Variants in SCRT2 observed in about 807,000 individuals in gnomAD.
SCRT2 encodes the protein transcriptional repressor scratch 2.
A neutral mutation model predicts 3.7 loss-of-function variants in SCRT2; 2 were observed. That is an observed-to-expected ratio of 0.54 (90% CI 0.22 to 1.70). The LOEUF (loss-of-function observed/expected upper bound fraction) is 1.70. SCRT2 is among the 40% of genes most tolerant of loss of function. The pLI is 0.19. For synonymous variants in SCRT2, 256 were observed against 220.6 expected (o/e 1.16, Z -1.42); for missense variants, 456 against 468.5 (o/e 0.97, Z 0.25).
At position 663,358 on chromosome 20, in the gene SCRT2, C is replaced by T. The variant is rs1193906734; in HGVS notation, c.*313G>A. 2 of 330,724 alleles carry T rather than the reference C, an allele frequency of 6.0e-6. No homozygotes were observed. The highest frequency in any genetic ancestry group is 5.0e-5 in the Admixed American group (1 of 20,106). 20.5% of individuals were successfully genotyped at this position (330,724 alleles called of 1,614,324 possible). A position where few individuals can be genotyped will look rare whatever the true frequency, so the allele number is the denominator to read the frequency against. ...GCGGGGTCTGGGAGGGAGAAATTTC[C>T]GGCTCTGGGGCGCGGGAGAGGTGCG... On this transcript the variant is annotated 3_prime_UTR_variant, in exon 2 of 2. Transcript: ENST00000246104. This position sits in a 1 kb window ranked among gnomAD's most constrained non-coding sequence, Gnocchi z 6.9.
Position 663,315 on chromosome 20 carries a change from A to C in SCRT2, c.*356T>G. ...AGCTGAGAAGCGAGAGAAAAGATCTAGAAGTTAGAAGAGCAGCGCGGGGTC... is the reference window on the plus strand; with the variant it reads ...AGCTGAGAAGCGAGAGAAAAGATCTCGAAGTTAGAAGAGCAGCGCGGGGTC... On this transcript the variant is annotated 3_prime_UTR_variant, in exon 2 of 2. Coordinates refer to ENST00000246104, the MANE Select transcript of SCRT2 (RefSeq NM_033129.4). This position sits in a 1 kb window ranked among gnomAD's most constrained non-coding sequence, Gnocchi z 6.9. 1 of 261,438 alleles carries C rather than the reference A, an allele frequency of 3.8e-6. No individual in the cohort carries two copies. The allele number at this position is 261,438 out of a possible 1,614,324, so 16.2% of individuals were successfully genotyped here.
chr20:661,880 A>G lies in SCRT2; in HGVS notation c.*1791T>C, dbSNP rs1157924783. 3 of 152,748 alleles carry G rather than the reference A, an allele frequency of 2.0e-5. No individual in the cohort carries two copies. The highest frequency in any genetic ancestry group is 3.9e-4 in the East Asian group (2 of 5,170). The allele number at this position is 152,748 out of a possible 1,614,324, so 9.5% of individuals were successfully genotyped here. ...TGGGCCTGGAGCTGAGCAAAGGCCC[A>G]TTCACCCCTCTGGAGCCCTAGGGAA... On this transcript the variant is annotated 3_prime_UTR_variant, in exon 2 of 2. Transcript: ENST00000246104.
chr20:672,425 G>A (rs1280666794), intron 1 of SCRT2, among the ~76,000 whole-genome samples: 3 of 151,154 alleles, frequency 2.0e-5, no homozygotes, highest in Non-Finnish European at 3.0e-5. Flanking sequence ...GTGTGTGTGC[G>A]CGCGTGCGTG....
chr20:664,199 C>A lies in SCRT2; in HGVS notation c.396G>T (p.Ser132=). ...RGGGGGDAGG[S]GDAGGAGGRA... is the part of the protein sequence containing the mutation. The stretch of plus-strand genomic sequence containing the variant: ...GCCCCCCGGCGCCCCCCGCGTCTCC[C>A]GAGCCCCCCGCGTCCCCGCCGCCCC... The change falls in exon 2 of 2, where the codon TCG becomes TCT. Residue 132 remains serine, a synonymous_variant. Coordinates refer to ENST00000246104, the MANE Select transcript of SCRT2 (RefSeq NM_033129.4). The surrounding 1 kb of genome is among the most constrained non-coding windows in gnomAD (Gnocchi z 7.9). 1 of 1,136,496 alleles carries A rather than the reference C, an allele frequency of 8.8e-7. No homozygotes were observed. The highest frequency in any genetic ancestry group is 1.1e-6 in the Non-Finnish European group (1 of 927,042). The allele number at this position is 1,136,496 out of a possible 1,614,324, so 70.4% of individuals were successfully genotyped here.
In SCRT2 at chr20:675,683, G is replaced by C; in HGVS notation, c.-82C>G. The C allele has an allele frequency of 7.6e-6, 8 of 1,056,080 alleles. No individual in the cohort carries two copies. The highest frequency in any genetic ancestry group is 9.7e-6 in the Non-Finnish European group (8 of 828,228). 65.4% of individuals were successfully genotyped at this position (1,056,080 alleles called of 1,614,324 possible). On this transcript the variant is annotated 5_prime_UTR_variant, in exon 1 of 2. Transcript: ENST00000246104. This position sits in a 1 kb window ranked among gnomAD's most constrained non-coding sequence, Gnocchi z 6.9. ...GTGTCCGCGCGGGTTTTCAGCACTG[G>C]ACAGCTCCCAGCGGGCTGGAGCGCG... is the stretch of plus-strand genomic sequence containing the variant.
Position 663,700 on chromosome 20 carries a change from G to T in SCRT2, c.895C>A (p.Pro299Thr), listed in dbSNP as rs778136855. The stretch of plus-strand genomic sequence containing the variant: ...CTGGCCGGGCCGGCGGGGGTCGGCG[G>T]GGGTGGCTCGGCCGCCTTGGCGCAG... ...AACAKAAEPP[P>T]PTPAGPAS is the part of the protein sequence containing the mutation. The change falls in exon 2 of 2, where the codon CCG (proline) becomes ACG (threonine). Residue 299 changes from proline to threonine, a missense_variant. Pro to Thr is a conservative substitution (Grantham distance 38). This residue lies in a region of SCRT2 where 144 missense variants were observed against 141.9 expected (regional missense o/e 1.01). Transcript: ENST00000246104. This position sits in a 1 kb window ranked among gnomAD's most constrained non-coding sequence, Gnocchi z 6.9. 23 of 1,517,518 alleles carry T rather than the reference G, an allele frequency of 1.5e-5. No homozygotes were observed. Among genetic ancestry groups the T allele is most frequent in the East Asian group, 2.6e-5 (1 of 39,096 alleles). 94.0% of individuals were successfully genotyped at this position (1,517,518 alleles called of 1,614,324 possible).
At chr20:671,623 T>A (rs1205059667) in intron 1 of SCRT2, among the ~76,000 whole-genome samples, 1 of 152,216 alleles carries the variant, frequency 6.6e-6, no homozygotes, top group Non-Finnish European at 1.5e-5. Flanking sequence ...CTGGAGCGAC[T>A]ACCCGGCACC....
At chr20:672,950 C>G (rs1230117815) in intron 1 of SCRT2, among the ~76,000 whole-genome samples, 1 of 152,022 alleles carries the variant, frequency 6.6e-6, no homozygotes, top group Non-Finnish European at 1.5e-5. Context: ...TCTCAGCAGA[C>G]CCCCAGCACC....
At chr20:672,258 G>T (rs149014803) in intron 1 of SCRT2, among the ~76,000 whole-genome samples, 1 of 152,228 alleles carries the variant, frequency 6.6e-6, no homozygotes, top group Non-Finnish European at 1.5e-5. Context: ...CATTTGAGGG[G>T]CTCCCCTTCC....
rs549299759 is a variant in SCRT2, at chr20:662,428, C to G, written c.*1243G>C. ...CCAGTTGAGGGTCAGCAAGCTGCCC[C>G]CCCATTCTCGAGTCCCCTTCCTTAG... On this transcript the variant is annotated 3_prime_UTR_variant, in exon 2 of 2. Transcript: ENST00000246104. The G allele has an allele frequency of 6.6e-6, 1 of 152,434 alleles. No individual in the cohort carries two copies. Among genetic ancestry groups the G allele is most frequent in the Non-Finnish European group, 1.5e-5 (1 of 68,216 alleles). The allele number at this position is 152,434 out of a possible 1,614,324, so 9.4% of individuals were successfully genotyped here.
chr20:672,792 CT>C (rs1236805938), intron 1 of SCRT2, among the ~76,000 whole-genome samples: 10 of 149,986 alleles, frequency 6.7e-5, no homozygotes, highest in South Asian at 4.3e-4. Context: ...TCTTCCCCCC[CT>C]CCTCTCTTTC....
At chr20:669,303 C>G (rs1348872963) in intron 1 of SCRT2, among the ~76,000 whole-genome samples, 2 of 152,256 alleles carry the variant, frequency 1.3e-5, no homozygotes, top group Non-Finnish European at 2.9e-5. Context: ...TAGCTCATGT[C>G]TAAGGTCACT....
Position 675,440 on chromosome 20 carries a change from A to G in SCRT2, c.133+29T>C. 6 of 1,283,810 alleles carry G rather than the reference A, an allele frequency of 4.7e-6. No individual in the cohort carries two copies. Among genetic ancestry groups the G allele is most frequent in the South Asian group, 2.7e-5 (1 of 37,702 alleles). 79.5% of individuals were successfully genotyped at this position (1,283,810 alleles called of 1,614,324 possible). A position where few individuals can be genotyped will look rare whatever the true frequency, so the allele number is the denominator to read the frequency against. ...CCAGCTCCCCTCGCCTCTTCTCCCA[A>G]CCCCCCGCCCCCGCCGGGTCCCACT... On this transcript the variant is annotated intron_variant, in intron 1 of 1. Transcript: ENST00000246104. This position sits in a 1 kb window ranked among gnomAD's most constrained non-coding sequence, Gnocchi z 6.9.
intron 1 of SCRT2, among the ~76,000 whole-genome samples, chr20:672,936 G>A (rs1389420658): frequency 3.3e-5 from 5 of 152,042 alleles, no homozygotes; most frequent in East Asian, 1.9e-4. Context: ...AGGAGCCGGC[G>A]GGCTCTCAGC....
rs1340563326 is a variant in SCRT2 at position 665,428 on chromosome 20, G to A, written c.134-967C>T. 6.6e-6 allele frequency among the ~76,000 whole-genome samples: 1 copy of A among 152,230 alleles called. No individual in the cohort carries two copies. The highest frequency in any genetic ancestry group is 6.5e-5 in the Admixed American group (1 of 15,290). ...CTTCCTCGCACCTGCTCCCAAGCCT[G>A]CTCTAGAAGTCGTCGGAAGTCCGCA... On this transcript the variant is annotated intron_variant, in intron 1 of 1. Transcript: ENST00000246104. This position sits in a 1 kb window ranked among gnomAD's most constrained non-coding sequence, Gnocchi z 5.0.
chr20:664,091 C>A lies in SCRT2; in HGVS notation c.504G>T (p.Ser168=), dbSNP rs774898435. 3.1e-6 allele frequency: 5 copies of A among 1,609,144 alleles called. No homozygotes were observed. Among genetic ancestry groups the A allele is most frequent in the East Asian group, 4.5e-5 (2 of 44,794 alleles). ...GCGTCTGCTTGTGGCGGCTCAGGTTCGACGACGTGGCGTAGGTCTTGCCGC... is the reference window on the plus strand; with the variant it reads ...GCGTCTGCTTGTGGCGGCTCAGGTTAGACGACGTGGCGTAGGTCTTGCCGC... ...AECGKTYATS[S]NLSRHKQTHR... Residue 168 remains serine (S), a synonymous_variant, in exon 2 of 2, where the codon TCG becomes TCT. Coordinates refer to ENST00000246104, the MANE Select transcript of SCRT2 (RefSeq NM_033129.4). This position sits in a 1 kb window ranked among gnomAD's most constrained non-coding sequence, Gnocchi z 7.9.
At position 675,234 on chromosome 20, in the gene SCRT2, T is replaced by C. The variant is rs1051138568; in HGVS notation, c.133+235A>G. Among the ~76,000 whole-genome samples, 14 of 152,208 alleles carry C rather than the reference T, an allele frequency of 9.2e-5. No individual in the cohort carries two copies. The highest frequency in any genetic ancestry group is 1.6e-4 in the Non-Finnish European group (11 of 67,968). On this transcript the variant is annotated intron_variant, in intron 1 of 1. Transcript: ENST00000246104. The surrounding 1 kb of genome is among the most constrained non-coding windows in gnomAD (Gnocchi z 6.9). Reference sequence around the variant, plus strand: ...TATTTGAGGGCCACAACTTTCAAAGTCCCGGCTGGCGCGTGGCTGCGGGAT... The same window carrying C: ...TATTTGAGGGCCACAACTTTCAAAGCCCCGGCTGGCGCGTGGCTGCGGGAT...
At chr20:670,515 C>T (rs1163168293) in intron 1 of SCRT2, among the ~76,000 whole-genome samples, 1 of 152,252 alleles carries the variant, frequency 6.6e-6, no homozygotes. Context: ...CCCCTAAAAC[C>T]TGTGGATGTA....
In SCRT2 at chr20:664,067, C is replaced by T; in HGVS notation, c.528G>A (p.Thr176=). 6.2e-7 allele frequency: 1 copy of T among 1,611,378 alleles called. No homozygotes were observed. Among genetic ancestry groups the T allele is most frequent in the East Asian group, 2.2e-5 (1 of 44,824 alleles). The part of the protein sequence containing the change: ...TSSNLSRHKQ[T]HRSLDSQLAR... ...CCAGCTGGCTGTCCAGGCTGCGGTG[C>T]GTCTGCTTGTGGCGGCTCAGGTTCG... The change falls in exon 2 of 2, where the codon ACG becomes ACA. Residue 176 remains threonine, a synonymous_variant. Transcript: ENST00000246104. This position sits in a 1 kb window ranked among gnomAD's most constrained non-coding sequence, Gnocchi z 7.9.
Sources: gnomAD v4.1 joint callset for allele counts (sites outside exome capture counted in the v4.1 genomes callset) on GRCh38, gnomAD v4.1.1 for gene constraint, gnomAD v4.1.1 regional missense constraint, Gnocchi (gnomAD v3.1) non-coding constraint, MANE v1.5 for transcripts, NCBI Gene and HGNC (gene_info 2026-07-23, HGNC 2026-07-21) for gene names.